The following ST3GAL3 variants were observed in gnomAD, a reference collection of about 807,000 sequenced individuals.
ST3GAL3 encodes ST3 beta-galactoside alpha-2,3-sialyltransferase 3.
In ST3GAL3, 21 loss-of-function variants were observed where a neutral mutation model predicts 50.1. That is an observed-to-expected ratio of 0.42 (90% CI 0.30 to 0.60). The LOEUF is 0.60. Among genes scored for constraint, ST3GAL3 ranks in the 20% least tolerant of loss-of-function variants. The pLI, the probability that ST3GAL3 is intolerant of heterozygous loss-of-function variation, is 0.19. For synonymous variants in ST3GAL3, 183 were observed against 190.0 expected, an observed-to-expected ratio of 0.96 and a Z score of 0.30; for missense variants, 353 against 489.4, an observed-to-expected ratio of 0.72 and a Z score of 2.63.
chr1:43,760,889 A>G (rs539353590), intron 2 of ST3GAL3, among the ~76,000 whole-genome samples: 1 of 152,378 alleles, frequency 6.6e-6, no homozygotes, highest in South Asian at 2.1e-4. Context: ...CTGTTCTGCA[A>G]TAAAGAGGAA....
chr1:43,905,704 A>G lies in ST3GAL3; in HGVS notation c.744+5977A>G, dbSNP rs962981784. ...TCCCCCTCCTTCTGCCCCCCTTCCC[A>G]CCACTCTTCCTCCCCCTCCTCCTGT... On this transcript the variant is annotated intron_variant, in intron 9 of 11. Coordinates refer to ENST00000347631, the MANE Select transcript of ST3GAL3 (RefSeq NM_006279.5). Among the ~76,000 whole-genome samples, 49 of 21,808 alleles carry G rather than the reference A, an allele frequency of 2.2e-3. 1 individual carries two copies. Among genetic ancestry groups the G allele is most frequent in the African/African-American group, 9.8e-3 (39 of 3,986 alleles). 14.3% of individuals were successfully genotyped at this position (21,808 alleles called of 152,430 possible). A position where few individuals can be genotyped will look rare whatever the true frequency, so the allele number is the denominator to read the frequency against.
At chr1:43,871,632 A>C (rs2072812488) in intron 5 of ST3GAL3, among the ~76,000 whole-genome samples, 1 of 84,630 alleles carries the variant, frequency 1.2e-5, no homozygotes, top group East Asian at 4.1e-4. Context: ...GAGGGAGAAG[A>C]TGGGGTGTGA....
At chr1:43,743,519 T>C (rs908314860) in intron 2 of ST3GAL3, 3 of 431,550 alleles carry the variant, frequency 7.0e-6, no homozygotes, top group Non-Finnish European at 1.4e-5. Flanking sequence ...GGTTCTGTGG[T>C]GCAGTTTAAG....
intron 1 of ST3GAL3, among the ~76,000 whole-genome samples, chr1:43,712,199 A>G (rs1665110948): frequency 6.6e-6 from 1 of 152,212 alleles, no homozygotes; most frequent in Admixed American, 6.5e-5. Flanking sequence ...CACGTGGTTC[A>G]CAGTAAGCAC....
intron 6 of ST3GAL3, among the ~76,000 whole-genome samples, chr1:43,894,943 C>G (rs755788200): frequency 6.6e-6 from 1 of 152,092 alleles, no homozygotes; most frequent in Admixed American, 6.6e-5. Flanking sequence ...GGAATATTTA[C>G]ACAGAGCCCA....
intron 2 of ST3GAL3, among the ~76,000 whole-genome samples, chr1:43,742,438 A>T (rs1681364604): frequency 6.6e-6 from 1 of 152,234 alleles, no homozygotes; most frequent in South Asian, 2.1e-4. Flanking sequence ...TCAAGACCAC[A>T]CAAATTCAGG....
At chr1:43,875,944 C>A (rs200382386) in intron 5 of ST3GAL3, among the ~76,000 whole-genome samples, 6,152 of 48,772 alleles carry the variant, frequency 0.13, 266 homozygotes, top group African/African-American at 0.24. Context: ...TCTTCTTCTT[C>A]TTCTTCTTAT....
At chr1:43,758,170 C>CA (rs1386375832) in intron 2 of ST3GAL3, among the ~76,000 whole-genome samples, 1 of 138,324 alleles carries the variant, frequency 7.2e-6, no homozygotes, top group East Asian at 2.5e-4. Flanking sequence ...CCACCCCCCC[C>CA]CCCAAAAAAA....
intron 1 of ST3GAL3, among the ~76,000 whole-genome samples, chr1:43,735,872 G>C (rs2154091396): frequency 6.6e-6 from 1 of 152,340 alleles, no homozygotes; most frequent in Non-Finnish European, 1.5e-5. Flanking sequence ...ATGTAAATTT[G>C]AAGGCAGGGA....
chr1:43,823,566 A>G (rs1203819349), intron 4 of ST3GAL3, among the ~76,000 whole-genome samples: 1 of 151,992 alleles, frequency 6.6e-6, no homozygotes, highest in Non-Finnish European at 1.5e-5. Context: ...CCCATCCCCT[A>G]TTGGCGTTCC....
intron 4 of ST3GAL3, among the ~76,000 whole-genome samples, chr1:43,826,990 T>G (rs2062889505): frequency 6.6e-6 from 1 of 152,214 alleles, no homozygotes; most frequent in East Asian, 1.9e-4. Flanking sequence ...TCTTGCTTAA[T>G]GAGACACTGG....
rs561596830 is a variant in ST3GAL3, at chr1:43,812,927, T to A, written c.167-1964T>A. Among the ~76,000 whole-genome samples the A allele has an allele frequency of 3.3e-5, 5 of 152,208 alleles. No individual in the cohort carries two copies. In the East Asian group the frequency reaches 9.6e-4, roughly 29 times the overall value. On this transcript the variant is annotated intron_variant, in intron 3 of 11. Coordinates refer to ENST00000347631, the MANE Select transcript of ST3GAL3 (RefSeq NM_006279.5). ...CAAAACTTAAGATGCCATTGACAAA[T>A]AATAAACCACAGATATAATTATTTT...
chr1:43,728,028 A>AGTAGTC (rs1673797359), intron 1 of ST3GAL3, among the ~76,000 whole-genome samples: 1 of 150,788 alleles, frequency 6.6e-6, no homozygotes, highest in Non-Finnish European at 1.5e-5. Flanking sequence ...TTCACCCCTC[A>AGTAGTC]TCCCCATCTA....
At chr1:43,802,976 A>G (rs2059474356) in intron 3 of ST3GAL3, among the ~76,000 whole-genome samples, 1 of 152,100 alleles carries the variant, frequency 6.6e-6, no homozygotes, top group African/African-American at 2.4e-5. Context: ...TCTGTCGCCC[A>G]GTGCAATGGC....
chr1:43,859,153 G>A (rs1468107180), intron 5 of ST3GAL3, among the ~76,000 whole-genome samples: 1 of 152,156 alleles, frequency 6.6e-6, no homozygotes, highest in Non-Finnish European at 1.5e-5. Context: ...AGGAGTTCCT[G>A]GTCAGGGAAA....
At chr1:43,847,798 ACAATT>A (rs2066501010) in intron 5 of ST3GAL3, among the ~76,000 whole-genome samples, 1 of 152,270 alleles carries the variant, frequency 6.6e-6, no homozygotes. Flanking sequence ...GTATTTTACT[ACAATT>A]CAAACATTTT....
At position 43,737,105 on chromosome 1, in the gene ST3GAL3, C is replaced by G. The variant is rs1558073970; in HGVS notation, c.118+725C>G. On this transcript the variant is annotated intron_variant, in intron 2 of 11. Transcript: ENST00000347631. This position sits in a 1 kb window ranked among gnomAD's most constrained non-coding sequence, Gnocchi z 4.0. The stretch of plus-strand genomic sequence containing the variant: ...TTGCACATTGTTTTCTTGGCTGTAG[C>G]TTGAAATATCACACAGTGACCATAG... The G allele has an allele frequency of 7.5e-6, 1 of 132,918 alleles. No homozygotes were observed. Among genetic ancestry groups the G allele is most frequent in the Non-Finnish European group, 1.6e-5 (1 of 62,434 alleles). The allele number at this position is 132,918 out of a possible 1,614,324, so 8.2% of individuals were successfully genotyped here. A position where few individuals can be genotyped will look rare whatever the true frequency, so the allele number is the denominator to read the frequency against.
intron 5 of ST3GAL3, among the ~76,000 whole-genome samples, chr1:43,856,800 C>T (rs1029591729): frequency 7.2e-5 from 11 of 152,230 alleles, no homozygotes; most frequent in African/African-American, 2.7e-4. Flanking sequence ...AATTCCACAT[C>T]TTGTCTGAGC....
At chr1:43,820,348 T>A (rs980034513) in intron 4 of ST3GAL3, among the ~76,000 whole-genome samples, 3 of 152,114 alleles carry the variant, frequency 2.0e-5, no homozygotes, top group Admixed American at 6.5e-5. Context: ...ACTATAAAAA[T>A]CCTAACAGAA....
Sources: gnomAD v4.1 joint callset for allele counts (sites outside exome capture counted in the v4.1 genomes callset) on GRCh38, gnomAD v4.1.1 for gene constraint, Gnocchi (gnomAD v3.1) non-coding constraint, MANE v1.5 for transcripts, NCBI Gene and HGNC (gene_info 2026-07-23, HGNC 2026-07-21) for gene names.